The following PLPPR1 variants were observed in gnomAD, a reference collection of about 807,000 sequenced individuals.
PLPPR1 encodes the protein phospholipid phosphatase-related protein type 1.
PLPPR1 carries 10 observed loss-of-function variants against 33.1 expected under a neutral mutation model. That is an observed-to-expected ratio of 0.30 (90% confidence interval 0.19 to 0.51). PLPPR1 has a LOEUF of 0.51. Among genes scored for constraint, PLPPR1 ranks in the 20% least tolerant of loss-of-function variants. The pLI, the probability that PLPPR1 is intolerant of heterozygous loss-of-function variation, is 0.97. For missense variants in PLPPR1, 304 were observed against 408.1 expected, an observed-to-expected ratio of 0.74 and a Z score of 2.20; for synonymous variants, 151 against 151.0, an observed-to-expected ratio of 1.00 and a Z score of 0.00.
At chr9:101,221,665 G>C (rs929042735) in intron 2 of PLPPR1, among the ~76,000 whole-genome samples, 1 of 152,124 alleles carries the variant, frequency 6.6e-6, no homozygotes, top group Non-Finnish European at 1.5e-5. Flanking sequence ...GGAAATGGAA[G>C]CTCAGAGGTG....
chr9:101,259,930 A>G (rs1010450514), intron 2 of PLPPR1, among the ~76,000 whole-genome samples: 2 of 152,144 alleles, frequency 1.3e-5, no homozygotes, highest in Non-Finnish European at 2.9e-5. Flanking sequence ...CTTTGTCCAC[A>G]AGGCAATTCC....
chr9:101,243,508 G>C (rs1377314610), intron 2 of PLPPR1, among the ~76,000 whole-genome samples: 1 of 151,970 alleles, frequency 6.6e-6, no homozygotes, highest in Non-Finnish European at 1.5e-5. Flanking sequence ...GAAAAGAAAG[G>C]AGGACTCATG....
chr9:101,306,736 T>C (rs1423035972), intron 4 of PLPPR1, among the ~76,000 whole-genome samples: 1 of 152,190 alleles, frequency 6.6e-6, no homozygotes, highest in Admixed American at 6.5e-5. Flanking sequence ...TTAAAAAATA[T>C]GATCTCACCT....
At chr9:101,034,522 G>A (rs10481700) in intron 1 of PLPPR1, among the ~76,000 whole-genome samples, 11,432 of 152,124 alleles carry the variant, frequency 0.075, 930 homozygotes, top group East Asian at 0.24. Flanking sequence ...ATTCTGAATT[G>A]ATTCAGAATT....
In PLPPR1 at chr9:101,134,966, C is replaced by T. The variant is rs373443810; in HGVS notation, c.-45-50484C>T. On this transcript the variant is annotated intron_variant, in intron 1 of 7. Transcript: ENST00000374874. The stretch of plus-strand genomic sequence containing the variant: ...AGAGTCGAGCTTATGGCTCAACTCA[C>T]ACCCTTCCCCATTTTGCAGATGAGG... Among the ~76,000 whole-genome samples the T allele has an allele frequency of 1.2e-4, 18 of 152,218 alleles. No individual in the cohort carries two copies. The East Asian group carries it at 3.3e-3, about 28-fold the overall frequency.
chr9:101,178,579 G>T (rs1026419639), intron 1 of PLPPR1, among the ~76,000 whole-genome samples: 1 of 152,172 alleles, frequency 6.6e-6, no homozygotes, highest in African/African-American at 2.4e-5. Context: ...GGCTAAAGAA[G>T]TGCAGCAGTG....
intron 2 of PLPPR1, among the ~76,000 whole-genome samples, chr9:101,239,346 A>T (rs1588090005): frequency 6.6e-6 from 1 of 151,874 alleles, no homozygotes; most frequent in African/African-American, 2.4e-5. Flanking sequence ...GCAGTGTATG[A>T]GTTCCCTTTT....
chr9:101,313,330 G>A (rs1298933476), intron 6 of PLPPR1, among the ~76,000 whole-genome samples: 1 of 152,110 alleles, frequency 6.6e-6, no homozygotes, highest in Non-Finnish European at 1.5e-5. Context: ...CATATTGGGG[G>A]CAAAAGCTAA....
At chr9:101,063,651 C>G (rs1053490213) in intron 1 of PLPPR1, among the ~76,000 whole-genome samples, 1 of 152,092 alleles carries the variant, frequency 6.6e-6, no homozygotes, top group Non-Finnish European at 1.5e-5. Context: ...ATTTACATCT[C>G]AGGGCCTTTG....
intron 2 of PLPPR1, among the ~76,000 whole-genome samples, chr9:101,261,142 A>G (rs2118880287): frequency 6.6e-6 from 1 of 152,324 alleles, no homozygotes; most frequent in Non-Finnish European, 1.5e-5. Context: ...AGAGGTTCAG[A>G]TTGAGGTAAC....
chr9:101,236,717 T>C (rs1438947705), intron 2 of PLPPR1, among the ~76,000 whole-genome samples: 1 of 151,866 alleles, frequency 6.6e-6, no homozygotes, highest in South Asian at 2.1e-4. Context: ...TTAGCAAATC[T>C]AATACTTTGA....
At chr9:101,197,932 A>T (rs1449148540) in intron 2 of PLPPR1, among the ~76,000 whole-genome samples, 1 of 152,132 alleles carries the variant, frequency 6.6e-6, no homozygotes, top group Non-Finnish European at 1.5e-5. Context: ...CTAATACCCA[A>T]TTGTTTTTAC....
rs547738719 is a variant in PLPPR1 at position 101,145,311 on chromosome 9, G to A, written c.-45-40139G>A. On this transcript the variant is annotated intron_variant, in intron 1 of 7. Coordinates refer to ENST00000374874, the MANE Select transcript of PLPPR1 (RefSeq NM_207299.2). ...ATGATAAGTATTTAAGGTAGTTCAT[G>A]TGTTAATTAGCTTGATTTAGCCAGT... Among the ~76,000 whole-genome samples, 18 of 152,314 alleles carry A rather than the reference G, an allele frequency of 1.2e-4. No homozygotes were observed. The South Asian group carries it at 3.3e-3, about 28-fold the overall frequency.
chr9:101,314,522 A>G (rs1291552392), intron 6 of PLPPR1, among the ~76,000 whole-genome samples: 1 of 151,966 alleles, frequency 6.6e-6, no homozygotes, highest in Non-Finnish European at 1.5e-5. Context: ...TAGGCACACA[A>G]TTTTTTGGTT....
intron 2 of PLPPR1, among the ~76,000 whole-genome samples, chr9:101,245,591 A>AT: frequency 6.6e-6 from 1 of 152,030 alleles, no homozygotes; most frequent in African/African-American, 2.4e-5. Context: ...TACACTATAT[A>AT]TTTTTTCTAG....
At chr9:101,187,502 C>G (rs1826225114) in intron 2 of PLPPR1, 1 of 151,902 alleles carries the variant, frequency 6.6e-6, no homozygotes, top group African/African-American at 2.4e-5. Flanking sequence ...TCTTATTTTG[C>G]ATGGAAATTC....
chr9:101,246,103 T>G (rs113938287), intron 2 of PLPPR1, among the ~76,000 whole-genome samples: 73,484 of 109,440 alleles, frequency 0.67, 25,100 homozygotes, highest in African/African-American at 0.83. Flanking sequence ...TATATATATA[T>G]ATATATAGAT....
In PLPPR1 at chr9:101,177,303, G is replaced by C. The variant is rs143556450; in HGVS notation, c.-45-8147G>C. ...TCAATGTCTTTCATCAACATGTACT[G>C]TTTTCAGTGCAGATATTTTACCTCT... On this transcript the variant is annotated intron_variant, in intron 1 of 7. Transcript: ENST00000374874. 7.9e-5 allele frequency among the ~76,000 whole-genome samples: 12 copies of C among 152,192 alleles called. No individual in the cohort carries two copies. The East Asian group carries it at 1.9e-3, about 25-fold the overall frequency.
chr9:101,046,091 A>G (rs1367116388), intron 1 of PLPPR1, among the ~76,000 whole-genome samples: 1 of 152,168 alleles, frequency 6.6e-6, no homozygotes, highest in African/African-American at 2.4e-5. Flanking sequence ...TAATGCATCT[A>G]TGTGTCTGTA....
Sources: allele counts gnomAD v4.1 joint callset (sites outside exome capture counted in the v4.1 genomes callset), GRCh38; gene constraint gnomAD v4.1.1; transcripts MANE v1.5; gene names NCBI Gene and HGNC (gene_info 2026-07-23, HGNC 2026-07-21).